The following USP31 variants were observed in gnomAD, a reference collection of about 807,000 sequenced individuals.
USP31 encodes ubiquitin carboxyl-terminal hydrolase 31.
A neutral mutation model predicts 119.4 loss-of-function variants in USP31; 44 were observed. The ratio of observed to expected loss-of-function variants is 0.37; its 90% CI spans 0.29 to 0.47. The LOEUF (loss-of-function observed/expected upper bound fraction) is 0.47, where lower values mean the gene tolerates loss of function less well. Among genes scored for constraint, USP31 ranks in the 20% least tolerant of loss-of-function variants. The probability of loss-of-function intolerance (pLI) is 0.99; values close to 1 mark genes in which losing one functional copy is unlikely to be tolerated. For synonymous variants in USP31, 749 were observed against 705.6 expected (o/e 1.06, Z -0.97); for missense variants, 1,643 against 1,730.2 (o/e 0.95, Z 0.89).
chr16:23,071,934 T>C, intron 15 of USP31, 111 bp downstream of exon 15: 1 of 1,434,806 alleles, frequency 7.0e-7, no homozygotes, highest in Non-Finnish European at 9.4e-7. Context: ...GTAGCTCCCT[T>C]TGGGTTCTCC....
At position 23,106,200 on chromosome 16, in the gene USP31, A is replaced by AG; in HGVS notation, c.953+12_953+13insC. 1 of 1,614,122 alleles carries AG rather than the reference A, an allele frequency of 6.2e-7. No homozygotes were observed. Among genetic ancestry groups the AG allele is most frequent in the Non-Finnish European group, 8.5e-7 (1 of 1,179,980 alleles). ...AGAAAATACAGTCTTCATTTTACTA[A>AG]ATCCATTCTTACCTTGTGTGGGGCA... On this transcript the variant is annotated intron_variant, in intron 4 of 15. Transcript: ENST00000219689.
intron 13 of USP31, among the ~76,000 whole-genome samples, chr16:23,076,368 AAACT>A (rs920407636): frequency 6.6e-6 from 1 of 152,164 alleles, no homozygotes; most frequent in African/African-American, 2.4e-5. Flanking sequence ...AATGTTCTCT[AAACT>A]AAGACTCTAA....
In USP31 at chr16:23,065,415, CA is replaced by C. The variant is rs1900026591; in HGVS notation, c.*2630del. ...AAATTGAATCAAGTAACTACTTTCC[CA>C]CAAGATACTTCCCACCTCAAGGAGC... On this transcript the variant is annotated 3_prime_UTR_variant, in exon 16 of 16. Coordinates refer to ENST00000219689, the MANE Select transcript of USP31 (RefSeq NM_020718.4). 1 of 152,468 alleles carries C rather than the reference CA, an allele frequency of 6.6e-6. No homozygotes were observed. The highest frequency in any genetic ancestry group is 1.5e-5 in the Non-Finnish European group (1 of 68,036). The allele number at this position is 152,468 out of a possible 1,614,324, so 9.4% of individuals were successfully genotyped here. A position where few individuals can be genotyped will look rare whatever the true frequency, so the allele number is the denominator to read the frequency against.
intron 1 of USP31, among the ~76,000 whole-genome samples, chr16:23,130,408 A>C (rs1419164687): frequency 7.6e-6 from 1 of 131,570 alleles, no homozygotes; most frequent in Non-Finnish European, 1.6e-5. Flanking sequence ...CAACAAAGTG[A>C]CACCCCCCCC....
In USP31 at chr16:23,073,735, G is replaced by A. The variant is rs748002940; in HGVS notation, c.2322C>T (p.Asn774=). The change falls in exon 14 of 16, where the codon AAC becomes AAT. Residue 774 remains asparagine, a synonymous_variant. Coordinates refer to ENST00000219689, the MANE Select transcript of USP31 (RefSeq NM_020718.4). ...RRTAIPSWSA[N]SSVAGSTSSS... ...AGTGGACCTCACCTGCCACCGAGCT[G>A]TTGGCTGACCATGACGGGATGGCTG... is the stretch of plus-strand genomic sequence containing the variant. The A allele has an allele frequency of 1.2e-6, 2 of 1,612,452 alleles. No individual in the cohort carries two copies. Among genetic ancestry groups the A allele is most frequent in the East Asian group, 2.2e-5 (1 of 44,872 alleles).
At chr16:23,095,943 G>A (rs913360806) in intron 6 of USP31, among the ~76,000 whole-genome samples, 8 of 152,048 alleles carry the variant, frequency 5.3e-5, no homozygotes, top group Admixed American at 1.3e-4. Context: ...ATCAATTAAC[G>A]GGCAGAATAA....
intron 6 of USP31, among the ~76,000 whole-genome samples, chr16:23,101,057 G>C (rs986105426): frequency 3.3e-5 from 5 of 152,142 alleles, no homozygotes; most frequent in Non-Finnish European, 5.9e-5. Flanking sequence ...TTTGATCTTA[G>C]AAAAGGGGAA....
intron 13 of USP31, among the ~76,000 whole-genome samples, chr16:23,077,548 T>C (rs1002355412): frequency 7.2e-5 from 11 of 152,222 alleles, no homozygotes; most frequent in African/African-American, 2.6e-4. Flanking sequence ...AGAGATTTAA[T>C]AGTACCCAGG....
chr16:23,090,736 TAGG>T lies in USP31; in HGVS notation c.1300_1302del (p.Pro434del), dbSNP rs1035491823. 5 of 1,614,064 alleles carry T rather than the reference TAGG, an allele frequency of 3.1e-6. No homozygotes were observed. Among genetic ancestry groups the T allele is most frequent in the African/African-American group, 1.3e-5 (1 of 75,044 alleles). Reference sequence around the variant, plus strand: ...TTCCCCTGCTTTGCTGCTGTTTGTGTAGGAGAAGACAGTCTATGATAATCCAAG... The same window carrying T: ...TTCCCCTGCTTTGCTGCTGTTTGTGTAGAAGACAGTCTATGATAATCCAAG... On this transcript the variant is annotated inframe_deletion, in exon 7 of 16. Coordinates refer to ENST00000219689, the MANE Select transcript of USP31 (RefSeq NM_020718.4).
intron 1 of USP31, among the ~76,000 whole-genome samples, chr16:23,131,277 G>A (rs934192634): frequency 6.6e-6 from 1 of 152,170 alleles, no homozygotes; most frequent in Non-Finnish European, 1.5e-5. Flanking sequence ...ACTCCAGGCT[G>A]GGCGACAGAG....
intron 9 of USP31, among the ~76,000 whole-genome samples, chr16:23,086,810 A>C (rs2141847809): frequency 6.6e-6 from 1 of 152,340 alleles, no homozygotes; most frequent in African/African-American, 2.4e-5. Flanking sequence ...GTTACTTTAC[A>C]AAACTTCATT....
intron 6 of USP31, among the ~76,000 whole-genome samples, chr16:23,092,294 T>C (rs921728933): frequency 3.9e-5 from 6 of 152,232 alleles, no homozygotes. Context: ...AGCTTAGTGT[T>C]AACCCTAAGC....
intron 11 of USP31, 122 bp downstream of exon 11, chr16:23,084,734 GCAGA>G: frequency 7.9e-7 from 1 of 1,265,206 alleles, no homozygotes; most frequent in Non-Finnish European, 1.1e-6. Context: ...CATTACATGT[GCAGA>G]CTTACATATA....
intron 1 of USP31, among the ~76,000 whole-genome samples, chr16:23,145,456 A>C (rs1181386624): frequency 6.6e-6 from 1 of 152,136 alleles, no homozygotes; most frequent in Non-Finnish European, 1.5e-5. Context: ...CTCCTCTGTG[A>C]AGACAGGAAA....
intron 9 of USP31, among the ~76,000 whole-genome samples, chr16:23,085,948 CAGAT>C (rs1376050439): frequency 6.6e-6 from 1 of 152,184 alleles, no homozygotes; most frequent in African/African-American, 2.4e-5. Context: ...TGATCACTCT[CAGAT>C]AGTCATTATG....
intron 1 of USP31, 89 bp downstream of exon 1, chr16:23,148,549 C>A: frequency 7.3e-7 from 1 of 1,379,114 alleles, no homozygotes; most frequent in Non-Finnish European, 9.3e-7. Flanking sequence ...GCCTGCCGGG[C>A]CAAGAGGAAC....
At chr16:23,081,535 C>CT (rs540328630) in intron 12 of USP31, among the ~76,000 whole-genome samples, 59 of 152,234 alleles carry the variant, frequency 3.9e-4, no homozygotes, top group Non-Finnish European at 7.1e-4. Flanking sequence ...AGGCAAGGGC[C>CT]TCCTTCAGGT....
At position 23,080,027 on chromosome 16, in the gene USP31, C is replaced by G. The variant is rs764263014; in HGVS notation, c.2095G>C (p.Gly699Arg). The G allele has an allele frequency of 9.3e-6, 15 of 1,613,968 alleles. No individual in the cohort carries two copies. Among genetic ancestry groups the G allele is most frequent in the Non-Finnish European group, 1.3e-5 (15 of 1,180,028 alleles). ...WSPWRRPYGL[G>R]RDPEDYIYDL... ...TAGATGTAGTCCTCAGGGTCCCTCC[C>G]GAGTCCATAGGGCCGTCTCCACGGG... The change falls in exon 13 of 16, where the codon GGG becomes CGG. Residue 699 changes from glycine (G) to arginine (R), a missense_variant. Gly to Arg is a moderately radical substitution (Grantham distance 125, BLOSUM62 -2). Transcript: ENST00000219689.
chr16:23,113,282 C>T (rs901710640), intron 1 of USP31, among the ~76,000 whole-genome samples: 2 of 152,144 alleles, frequency 1.3e-5, no homozygotes, highest in East Asian at 3.9e-4. Flanking sequence ...AAATCTGGTG[C>T]TCAGGAAAGA....
Sources: gnomAD v4.1 joint callset for allele counts (sites outside exome capture counted in the v4.1 genomes callset) on GRCh38, gnomAD v4.1.1 for gene constraint, MANE v1.5 for transcripts, NCBI Gene and HGNC (gene_info 2026-07-23, HGNC 2026-07-21) for gene names.